TMEM237: variants seen among roughly 807,000 people sequenced by gnomAD.
TMEM237 encodes amyotrophic lateral sclerosis 2 (juvenile) chromosome region, candidate 4.
TMEM237 carries 51 observed loss-of-function variants against 59.1 expected under a neutral mutation model. The ratio of observed to expected loss-of-function variants is 0.86; its 90% CI spans 0.69 to 1.09. The LOEUF (loss-of-function observed/expected upper bound fraction) is 1.09, where lower values mean the gene tolerates loss of function less well. Among genes scored for constraint, TMEM237 ranks in the 50% least tolerant of loss-of-function variants. TMEM237 has a pLI of 0.00. For synonymous variants in TMEM237, 140 were observed against 166.1 expected (o/e 0.84, Z 1.21); for missense variants, 475 against 478.3 (o/e 0.99, Z 0.06).
chr2:201,633,516 C>T, intron 5 of TMEM237, 85 bp from the exon 6 acceptor site: 1 of 1,119,920 alleles, frequency 8.9e-7, no homozygotes, highest in South Asian at 2.3e-5. Context: ...GAGAAAAGAA[C>T]TTCAAGAATT....
At position 201,643,404 on chromosome 2, in the gene TMEM237, G is replaced by C. The variant is rs886038402; in HGVS notation, c.-4C>G. On this transcript the variant is annotated 5_prime_UTR_variant, in exon 1 of 13. Coordinates refer to ENST00000409883, the MANE Select transcript of TMEM237 (RefSeq NM_001044385.3). This position sits in a 1 kb window ranked among gnomAD's most constrained non-coding sequence, Gnocchi z 4.3. Reference sequence around the variant, plus strand: ...GAGCCCCCGAGTCAGTCCTCATGGTGCTCTCCCCGCGGGGCTGCCCCGGCG... The same window carrying C: ...GAGCCCCCGAGTCAGTCCTCATGGTCCTCTCCCCGCGGGGCTGCCCCGGCG... 6.6e-7 allele frequency: 1 copy of C among 1,526,318 alleles called. No homozygotes were observed. Among genetic ancestry groups the C allele is most frequent in the Non-Finnish European group, 8.8e-7 (1 of 1,136,248 alleles). The allele number at this position is 1,526,318 out of a possible 1,614,324, so 94.5% of individuals were successfully genotyped here.
At chr2:201,629,658 G>A in intron 8 of TMEM237, 71 bp downstream of exon 8, 1 of 1,550,128 alleles carries the variant, frequency 6.5e-7, no homozygotes. Flanking sequence ...ACAACCAAGA[G>A]GTTATTTTTT....
intron 3 of TMEM237, among the ~76,000 whole-genome samples, chr2:201,639,612 A>G (rs2105903790): frequency 6.6e-6 from 1 of 152,312 alleles, no homozygotes; most frequent in Middle Eastern, 3.4e-3. Flanking sequence ...CCTGGCCAAC[A>G]TGGCAAAACC....
chr2:201,632,157 A>G lies in TMEM237; in HGVS notation c.447T>C (p.Asp149=), dbSNP rs768401501. ...LQYANELGVE[D]EDIITDEQTT... Reference sequence around the variant, plus strand: ...TTTGCTCATCAGTGATTATGTCTTCATCTTCTACTCCTAGCTCATTGGCAT... The same window carrying G: ...TTTGCTCATCAGTGATTATGTCTTCGTCTTCTACTCCTAGCTCATTGGCAT... The change falls in exon 7 of 13, where the codon GAT becomes GAC. Residue 149 remains aspartate, a synonymous_variant. Transcript: ENST00000409883. The G allele has an allele frequency of 1.2e-6, 2 of 1,613,904 alleles. No homozygotes were observed. The highest frequency in any genetic ancestry group is 1.7e-6 in the Non-Finnish European group (2 of 1,179,822).
rs201213919 is a variant in TMEM237 at position 201,639,805 on chromosome 2, G to GA, written c.79+455dup. ...AGTGAGACTCTGTCTCAAAACAAAA[G>GA]AAAAAAAAAAGTAGCCTAGATTGCT... On this transcript the variant is annotated intron_variant, in intron 3 of 12. Coordinates refer to ENST00000409883, the MANE Select transcript of TMEM237 (RefSeq NM_001044385.3). Among the ~76,000 whole-genome samples the GA allele has an allele frequency of 5.8e-4, 84 of 145,578 alleles. 1 individual carries two copies. In the East Asian group the frequency reaches 0.012, roughly 21 times the overall value.
chr2:201,633,553 T>C (rs1466864785), intron 5 of TMEM237, 122 bp from the exon 6 acceptor site: 1 of 721,548 alleles, frequency 1.4e-6, no homozygotes, highest in Non-Finnish European at 2.0e-6. Context: ...GTTTTCACTA[T>C]CTTACAAATT....
At chr2:201,642,791 G>A in intron 1 of TMEM237, 3 of 1,416,964 alleles carry the variant, frequency 2.1e-6, no homozygotes, top group Non-Finnish European at 2.7e-6. Context: ...AGGCGTGCAG[G>A]GACCTGGATT....
rs187065940 is a variant in TMEM237, at chr2:201,639,661, T to C, written c.79+600A>G. Among the ~76,000 whole-genome samples, 9 of 152,276 alleles carry C rather than the reference T, an allele frequency of 5.9e-5. No homozygotes were observed. The East Asian group carries it at 1.7e-3, about 29-fold the overall frequency. On this transcript the variant is annotated intron_variant, in intron 3 of 12. Coordinates refer to ENST00000409883, the MANE Select transcript of TMEM237 (RefSeq NM_001044385.3). Reference sequence around the variant, plus strand: ...AAATACAAAAAGTAGCTGGGCATGGTGGCACACGCCTGTAATCCCAACTAC... The same window carrying C: ...AAATACAAAAAGTAGCTGGGCATGGCGGCACACGCCTGTAATCCCAACTAC...
At position 201,620,870 on chromosome 2, in the gene TMEM237, G is replaced by A. The variant is rs374762322; in HGVS notation, c.*3385C>T. 5.3e-5 allele frequency: 8 copies of A among 152,260 alleles called. No homozygotes were observed. Among genetic ancestry groups the A allele is most frequent in the Non-Finnish European group, 1.2e-4 (8 of 68,026 alleles). The allele number at this position is 152,260 out of a possible 1,614,324, so 9.4% of individuals were successfully genotyped here. ...TTTTGACAACTTTCACATCCTATTA[G>A]TGGGCTCACACTGTTAGTTGCTAAT... On this transcript the variant is annotated 3_prime_UTR_variant, in exon 13 of 13. Coordinates refer to ENST00000409883, the MANE Select transcript of TMEM237 (RefSeq NM_001044385.3).
chr2:201,643,018 C>G lies in TMEM237; in HGVS notation c.42+341G>C, dbSNP rs1390424172. Reference sequence around the variant, plus strand: ...ATCTCTTCTGGGCAGCTACAGACCTCTCCTCGGAGGAGTCTAGGAGAGGCC... The same window carrying G: ...ATCTCTTCTGGGCAGCTACAGACCTGTCCTCGGAGGAGTCTAGGAGAGGCC... On this transcript the variant is annotated intron_variant, in intron 1 of 12. Transcript: ENST00000409883. This position sits in a 1 kb window ranked among gnomAD's most constrained non-coding sequence, Gnocchi z 4.3. 1 of 1,289,814 alleles carries G rather than the reference C, an allele frequency of 7.8e-7. No individual in the cohort carries two copies. Among genetic ancestry groups the G allele is most frequent in the African/African-American group, 1.6e-5 (1 of 63,750 alleles). The allele number at this position is 1,289,814 out of a possible 1,614,324, so 79.9% of individuals were successfully genotyped here. A position where few individuals can be genotyped will look rare whatever the true frequency, so the allele number is the denominator to read the frequency against.
chr2:201,629,919 A>G (rs933108968), intron 7 of TMEM237, 67 bp from the exon 8 acceptor site: 1 of 1,540,656 alleles, frequency 6.5e-7, no homozygotes, highest in African/African-American at 1.4e-5. Flanking sequence ...TTTTTTTTTT[A>G]AATTCCATAC....
In TMEM237 at chr2:201,623,331, A is replaced by C; in HGVS notation, c.*924T>G. The stretch of plus-strand genomic sequence containing the variant: ...TACAACAGCTGAGGTACCATTGGAT[A>C]TAGTTCTGAAGAGATCTTTCCCAGT... On this transcript the variant is annotated 3_prime_UTR_variant, in exon 13 of 13. Transcript: ENST00000409883. 3.2e-6 allele frequency: 1 copy of C among 315,434 alleles called. No individual in the cohort carries two copies. Among genetic ancestry groups the C allele is most frequent in the Non-Finnish European group, 6.5e-6 (1 of 154,184 alleles). 19.5% of individuals were successfully genotyped at this position (315,434 alleles called of 1,614,324 possible). A position where few individuals can be genotyped will look rare whatever the true frequency, so the allele number is the denominator to read the frequency against.
chr2:201,629,560 C>T (rs2105899099), intron 8 of TMEM237, 139 bp from the exon 9 acceptor site: 2 of 1,272,440 alleles, frequency 1.6e-6, no homozygotes, highest in East Asian at 2.6e-5. Context: ...TTTAGTTACA[C>T]TGATAGGTAG....
At chr2:201,627,773 T>C (rs2105898235) in intron 10 of TMEM237, among the ~76,000 whole-genome samples, 1 of 152,310 alleles carries the variant, frequency 6.6e-6, no homozygotes, top group African/African-American at 2.4e-5. Context: ...ATATTGTTTG[T>C]TATTAAAAGG....
At position 201,643,274 on chromosome 2, in the gene TMEM237, G is replaced by GGCCCCCCCCACACACCCC; in HGVS notation, c.42+84_42+85insGGGGTGTGTGGGGGGGGC. The GGCCCCCCCCACACACCCC allele has an allele frequency of 8.3e-7, 1 of 1,206,758 alleles. No individual in the cohort carries two copies. The highest frequency in any genetic ancestry group is 1.2e-6 in the Non-Finnish European group (1 of 849,318). The allele number at this position is 1,206,758 out of a possible 1,614,324, so 74.8% of individuals were successfully genotyped here. ...CCTTAGTGATTCCCAGCTCGTTGGCGCCCCCCCACACACACCCACCCCCAC... is the reference window on the plus strand; with the variant it reads ...CCTTAGTGATTCCCAGCTCGTTGGCGGCCCCCCCCACACACCCCCCCCCCCACACACACCCACCCCCAC... On this transcript the variant is annotated intron_variant, in intron 1 of 12. Coordinates refer to ENST00000409883, the MANE Select transcript of TMEM237 (RefSeq NM_001044385.3). This position sits in a 1 kb window ranked among gnomAD's most constrained non-coding sequence, Gnocchi z 4.3.
At chr2:201,628,864 A>C (rs1957782685) in intron 9 of TMEM237, among the ~76,000 whole-genome samples, 1 of 152,182 alleles carries the variant, frequency 6.6e-6, no homozygotes, top group East Asian at 1.9e-4. Flanking sequence ...TAAGAGAATA[A>C]ATGTGCTGTT....
chr2:201,642,984 G>A lies in TMEM237; in HGVS notation c.42+375C>T, dbSNP rs772845873. The A allele has an allele frequency of 3.7e-4, 484 of 1,300,346 alleles. 1 individual carries two copies. Among genetic ancestry groups the A allele is most frequent in the Non-Finnish European group, 4.4e-4 (450 of 1,029,408 alleles). 80.6% of individuals were successfully genotyped at this position (1,300,346 alleles called of 1,614,324 possible). On this transcript the variant is annotated intron_variant, in intron 1 of 12. Transcript: ENST00000409883. ...AAGACCTTAATTAAAGGACTCCGCA[G>A]GCGAACAGATCTCTTCTGGGCAGCT...
At chr2:201,642,450 C>A (rs1055188722) in intron 1 of TMEM237, among the ~76,000 whole-genome samples, 6 of 152,154 alleles carry the variant, frequency 3.9e-5, no homozygotes, top group Non-Finnish European at 2.9e-5. Flanking sequence ...ACGAAGCGCG[C>A]GCGATCGATC....
chr2:201,632,114 A>ACTG lies in TMEM237; in HGVS notation c.487_489dup (p.Gln163dup). ...ATGCCAGTGGGTGCAGTGAATACAG[A>ACTG]CTGCTGTTCCACAGTAGTTTGCTCA... On this transcript the variant is annotated inframe_insertion, in exon 7 of 13. Coordinates refer to ENST00000409883, the MANE Select transcript of TMEM237 (RefSeq NM_001044385.3). 1 of 1,613,910 alleles carries ACTG rather than the reference A, an allele frequency of 6.2e-7. No individual in the cohort carries two copies. The highest frequency in any genetic ancestry group is 2.2e-5 in the East Asian group (1 of 44,876).
Sources: gnomAD v4.1 joint callset for allele counts (sites outside exome capture counted in the v4.1 genomes callset) on GRCh38, gnomAD v4.1.1 for gene constraint, Gnocchi (gnomAD v3.1) non-coding constraint, MANE v1.5 for transcripts, NCBI Gene and HGNC (gene_info 2026-07-23, HGNC 2026-07-21) for gene names.